Variants in FNDC3B observed in about 807,000 individuals in gnomAD.
FNDC3B encodes the protein fibronectin type III domain-containing protein 3B.
A neutral mutation model predicts 151.5 loss-of-function variants in FNDC3B; 12 were observed. The ratio of observed to expected loss-of-function variants is 0.08; its 90% CI spans 0.05 to 0.13. The LOEUF is 0.13. Ranked by LOEUF, FNDC3B falls within the 10% of genes least tolerant of loss-of-function variation. The probability of loss-of-function intolerance (pLI) is 1.00; values close to 1 mark genes in which losing one functional copy is unlikely to be tolerated. For missense variants in FNDC3B, 1,214 were observed against 1,505.3 expected (o/e 0.81, Z 3.20); for synonymous variants, 528 against 549.0 (o/e 0.96, Z 0.54).
intron 3 of FNDC3B, chr3:172,134,399 T>C (rs563110033): frequency 1.9e-6 from 1 of 518,546 alleles, no homozygotes; most frequent in East Asian, 5.5e-5. Context: ...TTTTTGACAG[T>C]GACTGGGATT....
chr3:172,370,052 G>T (rs1205393744), intron 23 of FNDC3B, among the ~76,000 whole-genome samples: 1 of 152,162 alleles, frequency 6.6e-6, no homozygotes, highest in African/African-American at 2.4e-5. Context: ...ACCATTTGCA[G>T]CCTTTAGTAG....
chr3:172,261,693 G>A (rs1728654631), intron 6 of FNDC3B, among the ~76,000 whole-genome samples: 1 of 152,178 alleles, frequency 6.6e-6, no homozygotes, highest in African/African-American at 2.4e-5. Flanking sequence ...TTAGGCTGGT[G>A]CACAAATAAT....
At chr3:172,382,440 T>A (rs996394843) in intron 25 of FNDC3B, among the ~76,000 whole-genome samples, 3 of 152,242 alleles carry the variant, frequency 2.0e-5, no homozygotes, top group African/African-American at 7.2e-5. Context: ...CTGATGATAG[T>A]TTCTTTGCTG....
intron 9 of FNDC3B, among the ~76,000 whole-genome samples, chr3:172,299,145 T>A (rs1214187443): frequency 6.6e-6 from 1 of 152,224 alleles, no homozygotes; most frequent in Non-Finnish European, 1.5e-5. Flanking sequence ...TCATATAAAC[T>A]GTTTATTCAG....
chr3:172,313,251 A>G (rs6762353), intron 11 of FNDC3B, among the ~76,000 whole-genome samples: 10,238 of 151,988 alleles, frequency 0.067, 1,222 homozygotes, highest in African/African-American at 0.23. Context: ...ATTCTAAGGC[A>G]CTCCCTTGCC....
chr3:172,210,067 G>A (rs1560019628), intron 3 of FNDC3B, among the ~76,000 whole-genome samples: 1 of 152,226 alleles, frequency 6.6e-6, no homozygotes, highest in Non-Finnish European at 1.5e-5. Context: ...GCCTGCGGGA[G>A]CGCAGGGATG....
intron 9 of FNDC3B, chr3:172,302,108 T>G (rs1279136238): frequency 6.6e-6 from 1 of 152,252 alleles, no homozygotes; most frequent in African/African-American, 2.4e-5. Context: ...CTTGTTACTT[T>G]TCATTTTGCT....
chr3:172,340,349 A>G (rs1465320400), intron 16 of FNDC3B, among the ~76,000 whole-genome samples: 5 of 148,340 alleles, frequency 3.4e-5, no homozygotes, highest in Non-Finnish European at 5.9e-5. Context: ...GCAACGGCGC[A>G]ATCTCGGCTC....
At chr3:172,187,346 G>A (rs908685008) in intron 3 of FNDC3B, 6 of 152,084 alleles carry the variant, frequency 3.9e-5, no homozygotes, top group African/African-American at 1.4e-4. Context: ...TAAAATAATT[G>A]CTTTATTTAC....
At chr3:172,357,186 G>C (rs1308258531) in intron 22 of FNDC3B, among the ~76,000 whole-genome samples, 1 of 152,078 alleles carries the variant, frequency 6.6e-6, no homozygotes, top group African/African-American at 2.4e-5. Flanking sequence ...AATAATATTA[G>C]TATATTGATG....
At chr3:172,337,509 AATT>A (rs1351795285) in intron 16 of FNDC3B, 108 bp downstream of exon 16, 4 of 753,680 alleles carry the variant, frequency 5.3e-6, no homozygotes, top group Non-Finnish European at 2.3e-6. Flanking sequence ...CTAAAGATAG[AATT>A]ATTATTACAA....
intron 1 of FNDC3B, among the ~76,000 whole-genome samples, chr3:172,078,350 A>G (rs556234156): frequency 9.8e-5 from 15 of 152,304 alleles, no homozygotes; most frequent in African/African-American, 2.9e-4. Context: ...AGGTGAGATG[A>G]CACTTTGTAC....
rs1736413724 is a variant in FNDC3B at position 172,398,732 on chromosome 3, A to G, written c.*1257A>G. The G allele has an allele frequency of 6.6e-6, 1 of 152,192 alleles. No homozygotes were observed. The highest frequency in any genetic ancestry group is 1.5e-5 in the Non-Finnish European group (1 of 68,056). The allele number at this position is 152,192 out of a possible 1,614,324, so 9.4% of individuals were successfully genotyped here. A position where few individuals can be genotyped will look rare whatever the true frequency, so the allele number is the denominator to read the frequency against. The stretch of plus-strand genomic sequence containing the variant: ...ACGTCACTTTACCTCTCTGTGCCTC[A>G]GTTTTCCCATGCATGAAAAATAAAA... On this transcript the variant is annotated 3_prime_UTR_variant, in exon 26 of 26. Transcript: ENST00000415807.
rs1045997246 is a variant in FNDC3B, at chr3:172,399,391, GC to G, written c.*1918del. On this transcript the variant is annotated 3_prime_UTR_variant, in exon 26 of 26. Transcript: ENST00000415807. ...GATAAGAGCATCTAGTGCATTAAATGCCAAAAAAAAAATACATTATCAGTGA... is the reference window on the plus strand; with the variant it reads ...GATAAGAGCATCTAGTGCATTAAATGCAAAAAAAAAATACATTATCAGTGA... The G allele has an allele frequency of 2.0e-5, 3 of 151,068 alleles. No individual in the cohort carries two copies. Among genetic ancestry groups the G allele is most frequent in the Non-Finnish European group, 4.4e-5 (3 of 67,734 alleles). The allele number at this position is 151,068 out of a possible 1,614,324, so 9.4% of individuals were successfully genotyped here. A position where few individuals can be genotyped will look rare whatever the true frequency, so the allele number is the denominator to read the frequency against.
chr3:172,194,996 A>G (rs1724749217), intron 3 of FNDC3B, among the ~76,000 whole-genome samples: 1 of 152,192 alleles, frequency 6.6e-6, no homozygotes, highest in African/African-American at 2.4e-5. Flanking sequence ...TTAGTTTCCA[A>G]GGTTATAACT....
chr3:172,050,893 C>T (rs751324071), intron 1 of FNDC3B, among the ~76,000 whole-genome samples: 2 of 151,964 alleles, frequency 1.3e-5, no homozygotes, highest in South Asian at 2.1e-4. Context: ...AGGATCATTA[C>T]GGATATCAAA....
At chr3:172,239,856 CTT>C (rs71179981) in intron 4 of FNDC3B, among the ~76,000 whole-genome samples, 50 of 49,898 alleles carry the variant, frequency 1.0e-3, no homozygotes, top group East Asian at 3.0e-3. Flanking sequence ...CATTTTAGTT[CTT>C]TTTTTTTTTT....
At chr3:172,243,913 G>A (rs953339944) in intron 4 of FNDC3B, among the ~76,000 whole-genome samples, 27 of 152,182 alleles carry the variant, frequency 1.8e-4, no homozygotes, top group Non-Finnish European at 3.2e-4. Flanking sequence ...CTGAGAACCC[G>A]GCATAATGAT....
intron 25 of FNDC3B, 144 bp from the exon 26 acceptor site, chr3:172,397,020 A>G (rs763244656): frequency 4.6e-5 from 29 of 628,852 alleles, no homozygotes; most frequent in Non-Finnish European, 7.6e-5. Context: ...ACAGATTGAG[A>G]GAAGTACATT....
Sources: gnomAD v4.1 joint callset for allele counts (sites outside exome capture counted in the v4.1 genomes callset) on GRCh38, gnomAD v4.1.1 for gene constraint, MANE v1.5 for transcripts, NCBI Gene and HGNC (gene_info 2026-07-23, HGNC 2026-07-21) for gene names.